SGCB: variants seen among roughly 807,000 people sequenced by gnomAD.
SGCB encodes the protein beta-sarcoglycan.
Under a neutral mutation model 27.3 loss-of-function variants are expected in SGCB, and 25 were observed. The observed-to-expected ratio is 0.92, with a 90% confidence interval of 0.67 to 1.28. The LOEUF (loss-of-function observed/expected upper bound fraction) is 1.28. Among genes scored for constraint, SGCB ranks in the 50% most tolerant of loss-of-function variants. The pLI is 0.00. For missense variants in SGCB, 436 were observed against 402.1 expected (o/e 1.08, Z -0.72); for synonymous variants, 147 against 133.5 (o/e 1.10, Z -0.70).
intron 2 of SGCB, among the ~76,000 whole-genome samples, chr4:52,030,335 T>A (rs139435618): frequency 1.6e-4 from 25 of 152,240 alleles, no homozygotes; most frequent in Non-Finnish European, 2.9e-4. Context: ...TTTAGCTCAT[T>A]TATATCTCTT....
At position 52,028,039 on chromosome 4, in the gene SGCB, C is replaced by A. The variant is rs1287106770; in HGVS notation, c.682G>T (p.Gly228Ter). Reference protein sequence around the residue: ...IKVDGRAIVRGNEGVFIMGKT... With the variant: ...IKVDGRAIVR ...CCCATAATGAATACACCTTCATTTCCACGCACAATAGCACGCCCATCAACT... is the reference window on the plus strand; with the variant it reads ...CCCATAATGAATACACCTTCATTTCAACGCACAATAGCACGCCCATCAACT... The change falls in exon 5 of 6, where the codon GGA becomes TGA. Residue 228 changes from glycine to a stop codon, truncating the protein, a stop_gained. Coordinates refer to ENST00000381431, the MANE Select transcript of SGCB (RefSeq NM_000232.5). LOFTEE classifies it high-confidence loss of function. 1 of 1,612,146 alleles carries A rather than the reference C, an allele frequency of 6.2e-7. No homozygotes were observed. The highest frequency in any genetic ancestry group is 8.5e-7 in the Non-Finnish European group (1 of 1,178,244).
chr4:52,035,455 C>T (rs1161413254), intron 1 of SGCB, among the ~76,000 whole-genome samples: 1 of 152,066 alleles, frequency 6.6e-6, no homozygotes, highest in African/African-American at 2.4e-5. Flanking sequence ...GTAGATGGGT[C>T]AGATATGGCA....
At chr4:52,033,365 T>C (rs762481597) in intron 2 of SGCB, 66 bp downstream of exon 2, 43 of 992,638 alleles carry the variant, frequency 4.3e-5, no homozygotes, top group Non-Finnish European at 6.9e-5. Flanking sequence ...AAGTCTATGA[T>C]TTCACTATAA....
intron 2 of SGCB, among the ~76,000 whole-genome samples, chr4:52,030,693 C>A (rs940268998): frequency 9.2e-5 from 14 of 152,102 alleles, no homozygotes; most frequent in Non-Finnish European, 4.4e-5. Context: ...GTATGGGCCC[C>A]CTGCACAGCT....
chr4:52,027,392 C>T (rs1289106709), intron 5 of SGCB, among the ~76,000 whole-genome samples: 7 of 151,738 alleles, frequency 4.6e-5, no homozygotes, highest in Admixed American at 2.0e-4. Context: ...AACCTCTTTC[C>T]TTTACAATTA....
chr4:52,036,578 C>T (rs569843006), intron 1 of SGCB, among the ~76,000 whole-genome samples: 8 of 152,274 alleles, frequency 5.3e-5, no homozygotes, highest in African/African-American at 1.4e-4. Context: ...GCAGGTTTCT[C>T]TAAGAGTCCC....
chr4:52,028,368 T>C (rs1357333775), intron 4 of SGCB, among the ~76,000 whole-genome samples: 1 of 152,212 alleles, frequency 6.6e-6, no homozygotes, highest in South Asian at 2.1e-4. Context: ...CCGGGAGCGG[T>C]GGCTCACGCC....
At chr4:52,029,922 A>G in intron 2 of SGCB, 59 bp from the exon 3 acceptor site, 4 of 1,281,878 alleles carry the variant, frequency 3.1e-6, no homozygotes, top group East Asian at 2.3e-5. Context: ...TAATTGGAAA[A>G]CAAATAGAAA....
chr4:52,025,339 A>T (rs1304898956), intron 5 of SGCB, among the ~76,000 whole-genome samples: 3 of 139,990 alleles, frequency 2.1e-5, no homozygotes, highest in Non-Finnish European at 4.8e-5. Flanking sequence ...CTCAGGAAGG[A>T]CCACCTGTGG....
At chr4:52,024,827 CAAAAAAAAAA>C (rs3050627) in intron 5 of SGCB, among the ~76,000 whole-genome samples, 13 of 55,910 alleles carry the variant, frequency 2.3e-4, no homozygotes, top group Non-Finnish European at 1.8e-4. Flanking sequence ...GACACTGTCT[CAAAAAAAAAA>C]AAAAAAAAAA....
intron 5 of SGCB, among the ~76,000 whole-genome samples, chr4:52,027,135 G>A (rs1376065146): frequency 6.6e-6 from 1 of 152,084 alleles, no homozygotes; most frequent in Non-Finnish European, 1.5e-5. Context: ...AAGAAAGAAT[G>A]ATAAGTCCCT....
chr4:52,025,450 G>T (rs550424872), intron 5 of SGCB, among the ~76,000 whole-genome samples: 8 of 152,302 alleles, frequency 5.3e-5, no homozygotes, highest in Non-Finnish European at 1.0e-4. Flanking sequence ...AACAGTGTCT[G>T]CAAAGGCCCC....
At chr4:52,033,735 T>C (rs1054164472) in intron 1 of SGCB, 95 bp from the exon 2 acceptor site, 7 of 919,692 alleles carry the variant, frequency 7.6e-6, no homozygotes, top group African/African-American at 3.2e-5. Flanking sequence ...GCAAGCTGAA[T>C]TGGTTACTGA....
rs145108543 is a variant in SGCB, at chr4:52,023,984, T to G, written c.930A>C (p.Ser310=). ...VTSQNMGCQI[S]DNPCGNTH ...AATGAGTGTTTCCACAGGGGTTGTC[T>G]GAGATTTGGCAGCCCATGTTCTGGC... is the stretch of plus-strand genomic sequence containing the variant. Residue 310 remains serine (S), a synonymous_variant, in exon 6 of 6, where the codon TCA becomes TCC. Transcript: ENST00000381431. The G allele has an allele frequency of 1.5e-5, 24 of 1,613,534 alleles. No individual in the cohort carries two copies. The highest frequency in any genetic ancestry group is 1.9e-5 in the Non-Finnish European group (22 of 1,179,538).
intron 4 of SGCB, 66 bp from the exon 5 acceptor site, chr4:52,028,165 T>C (rs1053576271): frequency 5.5e-6 from 7 of 1,268,392 alleles, no homozygotes; most frequent in South Asian, 4.9e-5. Flanking sequence ...TTATCAGAGA[T>C]AGAGAAATAG....
intron 2 of SGCB, among the ~76,000 whole-genome samples, chr4:52,030,595 A>G (rs1450515023): frequency 1.3e-5 from 2 of 152,180 alleles, no homozygotes; most frequent in Non-Finnish European, 2.9e-5. Context: ...AGCCTCTCAG[A>G]TAATATATTA....
At position 52,023,370 on chromosome 4, in the gene SGCB, A is replaced by G. The variant is rs1276933099; in HGVS notation, c.*587T>C. On this transcript the variant is annotated 3_prime_UTR_variant, in exon 6 of 6. Transcript: ENST00000381431. ...ACATTGTGAACAATTGATAGTTATC[A>G]TTATTTCAAATAAACATTCTTTTAC... The G allele has an allele frequency of 6.5e-6, 1 of 153,162 alleles. No homozygotes were observed. Among genetic ancestry groups the G allele is most frequent in the Non-Finnish European group, 1.5e-5 (1 of 68,484 alleles). 9.5% of individuals were successfully genotyped at this position (153,162 alleles called of 1,614,324 possible). A position where few individuals can be genotyped will look rare whatever the true frequency, so the allele number is the denominator to read the frequency against.
At chr4:52,032,190 T>C (rs904121157) in intron 2 of SGCB, among the ~76,000 whole-genome samples, 1 of 152,198 alleles carries the variant, frequency 6.6e-6, no homozygotes, top group Non-Finnish European at 1.5e-5. Context: ...TCACTGCTTC[T>C]TATACAGATT....
intron 2 of SGCB, among the ~76,000 whole-genome samples, chr4:52,031,390 CTCTG>C (rs760009632): frequency 5.2e-4 from 55 of 106,748 alleles, no homozygotes; most frequent in Admixed American, 9.2e-4. Context: ...ACCCATTCAT[CTCTG>C]TGTGTGTGTG....
Sources: gnomAD v4.1 joint callset for allele counts (sites outside exome capture counted in the v4.1 genomes callset) on GRCh38, gnomAD v4.1.1 for gene constraint, MANE v1.5 for transcripts, NCBI Gene and HGNC (gene_info 2026-07-23, HGNC 2026-07-21) for gene names.